ACAD10: variants seen among roughly 807,000 people sequenced by gnomAD.
ACAD10 encodes ACAD-10.
In ACAD10, 112 loss-of-function variants were observed where a neutral mutation model predicts 116.8. The observed-to-expected ratio is 0.96, with a 90% CI of 0.82 to 1.12. The LOEUF (loss-of-function observed/expected upper bound fraction) is 1.12, where lower values mean the gene tolerates loss of function less well. ACAD10 is among the 50% of genes most tolerant of loss of function. ACAD10 has a pLI of 0.00. For synonymous variants in ACAD10, 486 were observed against 510.6 expected (o/e 0.95, Z 0.65); for missense variants, 1,259 against 1,350.2 (o/e 0.93, Z 1.06).
chr12:111,756,060 A>G (rs914800046), intron 20 of ACAD10: 1 of 1,189,872 alleles, frequency 8.4e-7, no homozygotes, highest in Non-Finnish European at 1.1e-6. Context: ...GCTCTTTCCC[A>G]TGCAGGGGGG....
At chr12:111,733,517 G>A (rs1889460199) in intron 10 of ACAD10, among the ~76,000 whole-genome samples, 1 of 152,072 alleles carries the variant, frequency 6.6e-6, no homozygotes, top group Non-Finnish European at 1.5e-5. Context: ...ACTTCCACGT[G>A]TCTTATATCT....
At position 111,736,930 on chromosome 12, in the gene ACAD10, G is replaced by A; in HGVS notation, c.1640G>A (p.Trp547Ter). 6.2e-7 allele frequency: 1 copy of A among 1,614,110 alleles called. No individual in the cohort carries two copies. The highest frequency in any genetic ancestry group is 8.5e-7 in the Non-Finnish European group (1 of 1,179,996). Residue 547 changes from tryptophan (W) to a stop codon, truncating the protein, a stop_gained, in exon 12 of 21, where the codon TGG becomes TAG. Coordinates refer to ENST00000313698, the MANE Select transcript of ACAD10 (RefSeq NM_025247.6). LOFTEE classifies it high-confidence loss of function. The stretch of plus-strand genomic sequence containing the variant: ...ATGGGGCTCCCTCCCACTGAGAACT[G>A]GAACTTCTATATGGCTTTTTCCTTT... ...LQMGLPPTEN[W>*]NFYMAFSFFR...
At chr12:111,741,328 G>C (rs1889735544) in intron 12 of ACAD10, among the ~76,000 whole-genome samples, 1 of 152,082 alleles carries the variant, frequency 6.6e-6, no homozygotes, top group Admixed American at 6.6e-5. Flanking sequence ...GAATAGTCCT[G>C]GTCACCTCTG....
At chr12:111,736,705 A>AC in intron 11 of ACAD10, 126 bp from the exon 12 acceptor site, 2 of 889,468 alleles carry the variant, frequency 2.2e-6, no homozygotes, top group South Asian at 3.8e-5. Flanking sequence ...GAATAAGCTA[A>AC]CCCATGGAAC....
intron 2 of ACAD10, among the ~76,000 whole-genome samples, chr12:111,694,924 G>A (rs1314158656): frequency 6.6e-6 from 1 of 152,034 alleles, no homozygotes; most frequent in East Asian, 1.9e-4. Context: ...GCTACTTGAG[G>A]GGCTGCGGTG....
At chr12:111,748,652 G>A (rs893452885) in intron 17 of ACAD10, 177 bp downstream of exon 17, 17 of 725,516 alleles carry the variant, frequency 2.3e-5, no homozygotes, top group Admixed American at 1.2e-4. Flanking sequence ...CCATGCAGGC[G>A]GATTTCAGAC....
At chr12:111,747,466 G>A (rs1889945344) in intron 16 of ACAD10, 81 bp downstream of exon 16, 1 of 1,589,166 alleles carries the variant, frequency 6.3e-7, no homozygotes, top group African/African-American at 1.3e-5. Flanking sequence ...CCTGGGAGGA[G>A]CCTCTGCTTT....
intron 1 of ACAD10, among the ~76,000 whole-genome samples, chr12:111,691,956 G>A (rs972459556): frequency 6.6e-6 from 1 of 151,808 alleles, no homozygotes; most frequent in African/African-American, 2.4e-5. Flanking sequence ...GCAATGGGGA[G>A]CCATTGAAGG....
At chr12:111,718,070 A>G (rs1244894892) in intron 7 of ACAD10, among the ~76,000 whole-genome samples, 6 of 46,586 alleles carry the variant, frequency 1.3e-4, no homozygotes, top group African/African-American at 7.8e-4. Flanking sequence ...TTTTTTTTGA[A>G]ATGGAGTCTT....
At chr12:111,714,992 A>G (rs1263187244) in intron 6 of ACAD10, among the ~76,000 whole-genome samples, 1 of 152,148 alleles carries the variant, frequency 6.6e-6, no homozygotes, top group Non-Finnish European at 1.5e-5. Flanking sequence ...CTGGGATTAC[A>G]TGAGCCTCCG....
chr12:111,697,256 T>C (rs1458657864), intron 2 of ACAD10, among the ~76,000 whole-genome samples: 1 of 151,334 alleles, frequency 6.6e-6, no homozygotes, highest in African/African-American at 2.4e-5. Flanking sequence ...AAAAAAAAAA[T>C]TGAATTCAGA....
At chr12:111,688,980 CAA>C (rs1887962340) in intron 1 of ACAD10, among the ~76,000 whole-genome samples, 1 of 152,054 alleles carries the variant, frequency 6.6e-6, no homozygotes, top group African/African-American at 2.4e-5. Context: ...ATAATGAGGT[CAA>C]GAGATCGAGA....
intron 2 of ACAD10, among the ~76,000 whole-genome samples, chr12:111,694,005 TATC>T (rs1474997404): frequency 1.3e-5 from 2 of 152,166 alleles, no homozygotes; most frequent in African/African-American, 2.4e-5. Flanking sequence ...CGCCTCCTGC[TATC>T]ATATTCTCAT....
rs991433669 is a variant in ACAD10, at chr12:111,716,105, C to T, written c.992+143C>T. 7.3e-6 allele frequency: 9 copies of T among 1,240,686 alleles called. No homozygotes were observed. The Middle Eastern group carries it at 8.7e-4, about 119-fold the overall frequency. The allele number at this position is 1,240,686 out of a possible 1,614,324, so 76.9% of individuals were successfully genotyped here. A position where few individuals can be genotyped will look rare whatever the true frequency, so the allele number is the denominator to read the frequency against. On this transcript the variant is annotated intron_variant, in intron 7 of 20. Coordinates refer to ENST00000313698, the MANE Select transcript of ACAD10 (RefSeq NM_025247.6). ...TATGGGCCAGGCTTGGTGGGTCACA[C>T]CTATAATCCCAGTGCCTTGGGAGAC...
Position 111,705,763 on chromosome 12 carries a change from C to A in ACAD10, c.362C>A (p.Ser121Ter). Reference protein sequence around the residue: ...EMLKTSVPVDSFFSLLTSERV... With the variant: ...EMLKTSVPVD ...TTAAAGACCTCCGTGCCTGTGGACT[C>A]ATTTTTCTCTCTGTTGACCAGTGAG... Residue 121 changes from serine to a stop codon, truncating the protein, a stop_gained, in exon 4 of 21, where the codon TCA (serine) becomes TAA (stop). Coordinates refer to ENST00000313698, the MANE Select transcript of ACAD10 (RefSeq NM_025247.6). LOFTEE classifies it high-confidence loss of function. 1 of 1,614,156 alleles carries A rather than the reference C, an allele frequency of 6.2e-7. No homozygotes were observed. Among genetic ancestry groups the A allele is most frequent in the South Asian group, 1.1e-5 (1 of 91,086 alleles).
intron 17 of ACAD10, chr12:111,748,925 G>C: frequency 1.5e-6 from 2 of 1,299,856 alleles, no homozygotes; most frequent in Non-Finnish European, 2.2e-6. Context: ...TTCAGCTTAA[G>C]GTGGCATTAT....
chr12:111,709,160 C>T (rs608848), intron 4 of ACAD10, among the ~76,000 whole-genome samples: 69,830 of 151,928 alleles, frequency 0.46, 20,509 homozygotes, highest in East Asian at 0.94. Context: ...ATTTTGGAAC[C>T]CACTTAAGTT....
intron 12 of ACAD10, among the ~76,000 whole-genome samples, chr12:111,741,611 T>C (rs1006153378): frequency 6.6e-6 from 1 of 152,096 alleles, no homozygotes; most frequent in African/African-American, 2.4e-5. Flanking sequence ...GTGCACTCCT[T>C]TCCCTCCCTC....
intron 5 of ACAD10, among the ~76,000 whole-genome samples, chr12:111,711,856 A>G (rs1289995037): frequency 1.3e-5 from 2 of 152,194 alleles, no homozygotes; most frequent in Non-Finnish European, 2.9e-5. Flanking sequence ...AAAGAAATTA[A>G]TGTATTTTAT....
Sources: gnomAD v4.1 joint callset for allele counts (sites outside exome capture counted in the v4.1 genomes callset) on GRCh38, gnomAD v4.1.1 for gene constraint, MANE v1.5 for transcripts, NCBI Gene and HGNC (gene_info 2026-07-23, HGNC 2026-07-21) for gene names.